The following CSMD3 variants were observed in gnomAD, a reference collection of about 807,000 sequenced individuals.
CSMD3 encodes the protein CUB and sushi domain-containing protein 3.
In CSMD3, 177 loss-of-function variants were observed where a neutral mutation model predicts 435.2. The observed-to-expected ratio is 0.41, with a 90% CI of 0.36 to 0.46. CSMD3 has a LOEUF of 0.46. CSMD3 is among the 20% of genes least tolerant of loss of function. The pLI is 0.34. For synonymous variants in CSMD3, 1,656 were observed against 1,520.5 expected, an observed-to-expected ratio of 1.09 and a Z score of -2.07; for missense variants, 4,265 against 4,504.6, an observed-to-expected ratio of 0.95 and a Z score of 1.52.
intron 3 of CSMD3, among the ~76,000 whole-genome samples, chr8:113,265,916 GT>G (rs2093466840): frequency 6.6e-6 from 1 of 151,344 alleles, no homozygotes; most frequent in African/African-American, 2.4e-5. Context: ...CTCGTATTCT[GT>G]TTTTTGAAAT....
intron 27 of CSMD3, among the ~76,000 whole-genome samples, chr8:112,524,097 C>T (rs989771622): frequency 6.6e-6 from 1 of 152,040 alleles, no homozygotes; most frequent in Non-Finnish European, 1.5e-5. Context: ...AGAAACAACA[C>T]AGCCCTGCTT....
intron 2 of CSMD3, among the ~76,000 whole-genome samples, chr8:113,279,582 A>G (rs536039808): frequency 4.6e-5 from 7 of 151,874 alleles, no homozygotes; most frequent in Non-Finnish European, 7.4e-5. Flanking sequence ...GTTTCTGTAT[A>G]TATGTTTAAA....
intron 3 of CSMD3, among the ~76,000 whole-genome samples, chr8:113,197,789 TTA>T (rs1376139325): frequency 6.6e-6 from 1 of 151,244 alleles, no homozygotes; most frequent in Admixed American, 6.6e-5. Flanking sequence ...TATGACAATC[TTA>T]ATAGTTCAAT....
intron 5 of CSMD3, among the ~76,000 whole-genome samples, chr8:113,084,349 T>C (rs2089675791): frequency 6.6e-6 from 1 of 152,012 alleles, no homozygotes; most frequent in Admixed American, 6.6e-5. Flanking sequence ...AAATCCCATT[T>C]GTAATAGGCG....
intron 13 of CSMD3, among the ~76,000 whole-genome samples, chr8:112,729,419 G>A (rs1171551994): frequency 1.3e-5 from 2 of 152,118 alleles, no homozygotes; most frequent in African/African-American, 4.8e-5. Flanking sequence ...GGTCAATGAT[G>A]ATGGAGTATA....
intron 3 of CSMD3, among the ~76,000 whole-genome samples, chr8:113,182,336 T>C (rs2092432948): frequency 6.6e-6 from 1 of 151,980 alleles, no homozygotes; most frequent in South Asian, 2.1e-4. Context: ...TAGAGAGGAA[T>C]GTCCAAGATG....
chr8:113,007,086 T>G (rs556883628), intron 6 of CSMD3, among the ~76,000 whole-genome samples: 1 of 152,070 alleles, frequency 6.6e-6, no homozygotes, highest in Admixed American at 6.6e-5. Context: ...CAAGAACAGT[T>G]AATCTTGTCC....
intron 36 of CSMD3, among the ~76,000 whole-genome samples, chr8:112,385,030 C>A (rs972908933): frequency 6.6e-6 from 1 of 152,068 alleles, no homozygotes; most frequent in Admixed American, 6.5e-5. Flanking sequence ...AAACCATAAG[C>A]TAGATTTAGT....
intron 4 of CSMD3, among the ~76,000 whole-genome samples, chr8:113,167,626 G>A (rs2092178988): frequency 6.6e-6 from 1 of 152,144 alleles, no homozygotes; most frequent in Non-Finnish European, 1.5e-5. Flanking sequence ...TGATTGAATA[G>A]CCTGTATTTT....
At chr8:113,250,903 A>C (rs1456058419) in intron 3 of CSMD3, among the ~76,000 whole-genome samples, 1 of 152,110 alleles carries the variant, frequency 6.6e-6, no homozygotes. Flanking sequence ...TATGAATAGA[A>C]TTGGGCATTC....
intron 18 of CSMD3, among the ~76,000 whole-genome samples, chr8:112,650,590 A>C (rs113228169): frequency 1.3e-5 from 2 of 152,280 alleles, no homozygotes; most frequent in African/African-American, 4.8e-5. Flanking sequence ...CTATCTGTAA[A>C]ACTTTGTATT....
chr8:112,913,128 T>A (rs2082473340), intron 10 of CSMD3, among the ~76,000 whole-genome samples: 1 of 151,966 alleles, frequency 6.6e-6, no homozygotes, highest in South Asian at 2.1e-4. Context: ...TGTGGACGCC[T>A]TCCTTAACAA....
chr8:112,901,267 T>C (rs981565912), intron 10 of CSMD3, among the ~76,000 whole-genome samples: 2 of 151,306 alleles, frequency 1.3e-5, no homozygotes, highest in Non-Finnish European at 3.0e-5. Context: ...TTTTGCAGTG[T>C]GTTATGGCAA....
intron 13 of CSMD3, among the ~76,000 whole-genome samples, chr8:112,736,313 G>C (rs537982357): frequency 6.6e-6 from 1 of 151,910 alleles, no homozygotes; most frequent in Non-Finnish European, 1.5e-5. Context: ...TACCTTTGTT[G>C]GTTCCTGGTA....
chr8:112,921,435 T>C (rs915589891), intron 10 of CSMD3, among the ~76,000 whole-genome samples, 192 bp downstream of exon 10: 4 of 152,070 alleles, frequency 2.6e-5, no homozygotes, highest in Non-Finnish European at 5.9e-5. Flanking sequence ...TGATTATTAA[T>C]TGGAAATTCC....
chr8:112,299,571 A>ATGGG (rs1178034406), intron 53 of CSMD3, among the ~76,000 whole-genome samples: 1 of 152,142 alleles, frequency 6.6e-6, no homozygotes, highest in Non-Finnish European at 1.5e-5. Flanking sequence ...TGGTAGGCAT[A>ATGGG]TGGGTGTTCA....
At chr8:112,514,077 G>A (rs1355174539) in intron 28 of CSMD3, among the ~76,000 whole-genome samples, 1 of 151,794 alleles carries the variant, frequency 6.6e-6, no homozygotes, top group Non-Finnish European at 1.5e-5. Flanking sequence ...TTTTCTTCTA[G>A]AGACAAGGTC....
intron 24 of CSMD3, among the ~76,000 whole-genome samples, chr8:112,572,622 T>C (rs1450843729): frequency 6.6e-6 from 1 of 152,130 alleles, no homozygotes; most frequent in Admixed American, 6.6e-5. Flanking sequence ...TGTCAAGCAT[T>C]CTAGCAATAA....
intron 67 of CSMD3, among the ~76,000 whole-genome samples, chr8:112,235,589 AT>A (rs1332727697): frequency 1.3e-5 from 2 of 148,804 alleles, no homozygotes; most frequent in African/African-American, 5.0e-5. Flanking sequence ...GAGGGAAAAA[AT>A]TGTTTAGGGA....
Sources: allele counts gnomAD v4.1 joint callset (sites outside exome capture counted in the v4.1 genomes callset), GRCh38; gene constraint gnomAD v4.1.1; transcripts MANE v1.5; gene names NCBI Gene and HGNC (gene_info 2026-07-23, HGNC 2026-07-21).